Variants in FRMD4A observed in about 807,000 individuals in gnomAD.
FRMD4A encodes FERM domain containing 4A.
FRMD4A carries 29 observed loss-of-function variants against 129.1 expected under a neutral mutation model. The observed-to-expected ratio is 0.22, with a 90% CI of 0.17 to 0.31. FRMD4A has a LOEUF of 0.31. FRMD4A is among the 10% of genes least tolerant of loss of function. The pLI is 1.00. For missense variants in FRMD4A, 1,272 were observed against 1,375.8 expected (o/e 0.92, Z 1.19); for synonymous variants, 634 against 571.6 (o/e 1.11, Z -1.56).
intron 3 of FRMD4A, among the ~76,000 whole-genome samples, chr10:13,853,036 C>T (rs1295792591): frequency 6.6e-6 from 1 of 152,178 alleles, no homozygotes; most frequent in African/African-American, 2.4e-5. Context: ...TCTATTTGCA[C>T]ACAGTGGACA....
intron 2 of FRMD4A, among the ~76,000 whole-genome samples, chr10:13,987,309 C>T (rs1015487548): frequency 1.3e-5 from 2 of 152,080 alleles, no homozygotes; most frequent in South Asian, 4.1e-4. Flanking sequence ...AATGGAAAAT[C>T]GACTCTTAAG....
At chr10:14,012,516 A>G (rs2095685768) in intron 2 of FRMD4A, among the ~76,000 whole-genome samples, 1 of 152,114 alleles carries the variant, frequency 6.6e-6, no homozygotes, top group Non-Finnish European at 1.5e-5. Context: ...AATGGGGGGA[A>G]TGTTCCATTG....
intron 2 of FRMD4A, among the ~76,000 whole-genome samples, chr10:14,317,884 C>G (rs909429453): frequency 1.3e-5 from 2 of 151,816 alleles, no homozygotes; most frequent in Non-Finnish European, 2.9e-5. Flanking sequence ...TGTCTAGATA[C>G]AGAGTCTGAG....
At chr10:13,800,177 A>G (rs930904566) in intron 4 of FRMD4A, among the ~76,000 whole-genome samples, 1 of 152,112 alleles carries the variant, frequency 6.6e-6, no homozygotes, top group Non-Finnish European at 1.5e-5. Flanking sequence ...GCGAGACTCC[A>G]TCTCAAAAAA....
intron 3 of FRMD4A, among the ~76,000 whole-genome samples, chr10:13,840,085 G>A (rs1001097063): frequency 6.6e-6 from 1 of 152,190 alleles, no homozygotes; most frequent in African/African-American, 2.4e-5. Flanking sequence ...ATTTGCTCGA[G>A]GTCACTGTTA....
chr10:13,740,985 C>A (rs2135053958), intron 9 of FRMD4A, among the ~76,000 whole-genome samples: 1 of 152,184 alleles, frequency 6.6e-6, no homozygotes, highest in Non-Finnish European at 1.5e-5. Flanking sequence ...TGCCACCACA[C>A]CTGACTGATT....
In FRMD4A at chr10:14,184,298, A is replaced by ATTTTTTTTTTTTTTTTTTTTTT. The variant is rs60196881; in HGVS notation, c.45+145759_45+145760insAAAAAAAAAAAAAAAAAAAAAA. Among the ~76,000 whole-genome samples the ATTTTTTTTTTTTTTTTTTTTTT allele has an allele frequency of 1.4e-3, 149 of 104,840 alleles. 20 individuals are homozygous for ATTTTTTTTTTTTTTTTTTTTTT. Among genetic ancestry groups the ATTTTTTTTTTTTTTTTTTTTTT allele is most frequent in the Middle Eastern group, 5.2e-3 (1 of 192 alleles). The allele number at this position is 104,840 out of a possible 152,430, so 68.8% of individuals were successfully genotyped here. A position where few individuals can be genotyped will look rare whatever the true frequency, so the allele number is the denominator to read the frequency against. On this transcript the variant is annotated intron_variant, in intron 2 of 24. Transcript: ENST00000357447. ...AGGTGCATACCACCACAACCGGTTA[A>ATTTTTTTTTTTTTTTTTTTTTT]TTTTTTTTTTTTTTTTAGTAGAGAT...
intron 6 of FRMD4A, among the ~76,000 whole-genome samples, chr10:13,769,205 T>TG (rs1301618397): frequency 1.7e-5 from 2 of 119,310 alleles, no homozygotes; most frequent in African/African-American, 8.6e-5. Flanking sequence ...TTAAAAGAGA[T>TG]GGGTTGTGTG....
At chr10:14,115,171 C>T (rs747232214) in intron 2 of FRMD4A, among the ~76,000 whole-genome samples, 1 of 152,160 alleles carries the variant, frequency 6.6e-6, no homozygotes, top group African/African-American at 2.4e-5. Context: ...CTTCAAAATC[C>T]AATGTGTGTT....
chr10:14,316,418 G>A (rs528704123), intron 2 of FRMD4A, among the ~76,000 whole-genome samples: 23 of 147,916 alleles, frequency 1.6e-4, no homozygotes, highest in South Asian at 1.3e-3. Context: ...CCCATTCCTC[G>A]ATCTTGGATT....
chr10:13,659,479 C>G lies in FRMD4A; in HGVS notation c.1910G>C (p.Arg637Pro), dbSNP rs570739185. ...CGCACAGCTTCCTGTGCTGGGGAAG[C>G]GCTTGTGGCTGCTGCAAAGCCAAGG... ...SSHSHSSSHK[R>P]FPSTGSCAEA... is the part of the protein sequence containing the mutation. The change falls in exon 21 of 25, where the codon CGC (arginine) becomes CCC (proline). Residue 637 changes from arginine to proline, a missense_variant. This residue lies in a region of FRMD4A where 972 missense variants were observed against 892.3 expected (regional missense o/e 1.09). Coordinates refer to ENST00000357447, the MANE Select transcript of FRMD4A (RefSeq NM_018027.5). 6.2e-7 allele frequency: 1 copy of G among 1,612,428 alleles called. No individual in the cohort carries two copies. Among genetic ancestry groups the G allele is most frequent in the Non-Finnish European group, 8.5e-7 (1 of 1,179,174 alleles).
intron 15 of FRMD4A, among the ~76,000 whole-genome samples, chr10:13,686,409 C>T (rs1457596482): frequency 6.6e-6 from 1 of 152,242 alleles, no homozygotes; most frequent in African/African-American, 2.4e-5. Context: ...GGAGAGATGT[C>T]AGATAGCTGG....
At chr10:14,035,150 C>T (rs987678371) in intron 2 of FRMD4A, among the ~76,000 whole-genome samples, 4 of 152,192 alleles carry the variant, frequency 2.6e-5, no homozygotes, top group African/African-American at 9.7e-5. Flanking sequence ...CGGTGGCTCA[C>T]ACCTATAATC....
intron 2 of FRMD4A, among the ~76,000 whole-genome samples, chr10:14,048,400 A>G (rs1272193910): frequency 2.0e-5 from 3 of 152,238 alleles, no homozygotes; most frequent in African/African-American, 7.2e-5. Flanking sequence ...GGAACTCCCC[A>G]CTACATTACA....
In FRMD4A at chr10:13,644,494, T is replaced by A. The variant is rs1311224567; in HGVS notation, c.*2544A>T. On this transcript the variant is annotated 3_prime_UTR_variant, in exon 25 of 25. Transcript: ENST00000357447. ...ACTACCAGACTATCATGATGTTTGT[T>A]GGAACTGTAATTCCTGCTCTCCATT... is the stretch of plus-strand genomic sequence containing the variant. The A allele has an allele frequency of 6.6e-6, 1 of 152,240 alleles. No individual in the cohort carries two copies. The highest frequency in any genetic ancestry group is 1.5e-5 in the Non-Finnish European group (1 of 68,036). The allele number at this position is 152,240 out of a possible 1,614,324, so 9.4% of individuals were successfully genotyped here.
intron 2 of FRMD4A, among the ~76,000 whole-genome samples, chr10:13,871,623 G>A: frequency 6.6e-6 from 1 of 152,212 alleles, no homozygotes; most frequent in East Asian, 1.9e-4. Flanking sequence ...GGAAGCCGCT[G>A]ACTCTGCCGG....
intron 2 of FRMD4A, among the ~76,000 whole-genome samples, chr10:14,054,055 CT>C (rs1834390028): frequency 6.6e-6 from 1 of 151,846 alleles, no homozygotes; most frequent in Non-Finnish European, 1.5e-5. Flanking sequence ...GTTTTAGCTA[CT>C]TGGGAGGGTG....
At chr10:14,180,266 T>C (rs1424954154) in intron 2 of FRMD4A, among the ~76,000 whole-genome samples, 1 of 152,222 alleles carries the variant, frequency 6.6e-6, no homozygotes, top group Non-Finnish European at 1.5e-5. Flanking sequence ...ATTTAACATA[T>C]GATGACCTGA....
chr10:14,023,281 G>A (rs1260966412), intron 2 of FRMD4A, among the ~76,000 whole-genome samples: 2 of 151,948 alleles, frequency 1.3e-5, no homozygotes, highest in East Asian at 3.9e-4. Flanking sequence ...TTCCCTCTGG[G>A]AATTCTGCCA....
Sources: gnomAD v4.1 joint callset for allele counts (sites outside exome capture counted in the v4.1 genomes callset) on GRCh38, gnomAD v4.1.1 for gene constraint, gnomAD v4.1.1 regional missense constraint, MANE v1.5 for transcripts, NCBI Gene and HGNC (gene_info 2026-07-23, HGNC 2026-07-21) for gene names.